ARHGEF28: variants seen among roughly 807,000 people sequenced by gnomAD.
ARHGEF28 encodes the protein Rho guanine nucleotide exchange factor 28.
ARHGEF28 carries 152 observed loss-of-function variants against 206.6 expected under a neutral mutation model. The observed-to-expected ratio is 0.74, with a 90% CI of 0.64 to 0.84. ARHGEF28 has a LOEUF of 0.84. ARHGEF28 is among the 40% of genes least tolerant of loss of function. The pLI is 0.00. For synonymous variants in ARHGEF28, 763 were observed against 776.4 expected (o/e 0.98, Z 0.29); for missense variants, 2,028 against 2,073.2 (o/e 0.98, Z 0.42).
At chr5:73,809,399 A>G (rs1755706890) in intron 9 of ARHGEF28, among the ~76,000 whole-genome samples, 2 of 152,160 alleles carry the variant, frequency 1.3e-5, no homozygotes, top group Non-Finnish European at 2.9e-5. Context: ...TCGCTATGAG[A>G]CAACTAAGGC....
chr5:73,883,741 G>A (rs1358205349), intron 23 of ARHGEF28, 26 bp from the exon 24 acceptor site: 1 of 1,431,806 alleles, frequency 7.0e-7, no homozygotes, highest in Non-Finnish European at 9.5e-7. Flanking sequence ...TAGAATTTGT[G>A]TACATAAAAG....
intron 1 of ARHGEF28, among the ~76,000 whole-genome samples, chr5:73,634,269 G>C (rs985628205): frequency 2.0e-5 from 3 of 152,156 alleles, no homozygotes; most frequent in Admixed American, 2.0e-4. Flanking sequence ...AAGTAGGCTT[G>C]TTCAACTAAT....
chr5:73,743,411 C>T (rs192603804), intron 2 of ARHGEF28, among the ~76,000 whole-genome samples: 1 of 152,220 alleles, frequency 6.6e-6, no homozygotes, highest in Non-Finnish European at 1.5e-5. Flanking sequence ...TTGTTTTCAG[C>T]CGGACTGTTG....
intron 2 of ARHGEF28, among the ~76,000 whole-genome samples, chr5:73,742,029 T>A (rs555721353): frequency 5.9e-5 from 9 of 152,328 alleles, no homozygotes; most frequent in Non-Finnish European, 1.2e-4. Flanking sequence ...ATTATGATAT[T>A]ATCTTCTTCA....
chr5:73,933,811 T>TTTTC (rs1764266360), intron 35 of ARHGEF28, among the ~76,000 whole-genome samples: 1 of 152,128 alleles, frequency 6.6e-6, no homozygotes, highest in Non-Finnish European at 1.5e-5. Flanking sequence ...GGACTCTTTT[T>TTTTC]TTTCTGTAAC....
intron 1 of ARHGEF28, among the ~76,000 whole-genome samples, chr5:73,669,781 G>C (rs1746192852): frequency 6.6e-6 from 1 of 152,126 alleles, no homozygotes; most frequent in Non-Finnish European, 1.5e-5. Context: ...CTGCCTCCCA[G>C]ATTCAAGCAA....
intron 4 of ARHGEF28, among the ~76,000 whole-genome samples, chr5:73,761,770 G>A (rs1166867748): frequency 6.6e-6 from 1 of 152,120 alleles, no homozygotes; most frequent in Non-Finnish European, 1.5e-5. Flanking sequence ...TCAATATCTG[G>A]AGGAGAGGAG....
chr5:73,873,131 T>G lies in ARHGEF28; in HGVS notation c.2699T>G (p.Leu900Trp). ...VDKIFPCLDE[L>W]LEIHRHFFYS... ...AAAATTTTCCCCTGTTTAGATGAGT[T>G]GCTTGAAATCCACAGGCATTTCTTC... The change falls in exon 22 of 36, where the codon TTG (leucine) becomes TGG (tryptophan). Residue 900 changes from leucine (L) to tryptophan (W), a missense_variant. Leu to Trp is a moderately conservative substitution (Grantham distance 61). Around this residue, in one of 3 missense-constraint regions of ARHGEF28, gnomAD observed 223 missense variants for 289.9 expected, o/e 0.77. Transcript: ENST00000513042. The G allele has an allele frequency of 6.2e-7, 1 of 1,613,082 alleles. No homozygotes were observed. Among genetic ancestry groups the G allele is most frequent in the Non-Finnish European group, 8.5e-7 (1 of 1,179,520 alleles).
chr5:73,801,213 G>A (rs542487735), intron 9 of ARHGEF28, among the ~76,000 whole-genome samples: 8 of 152,278 alleles, frequency 5.3e-5, no homozygotes, highest in Non-Finnish European at 8.8e-5. Context: ...TTGGGAGGCC[G>A]AGGCAGGCGG....
intron 7 of ARHGEF28, chr5:73,786,575 G>T (rs748194457): frequency 6.6e-6 from 1 of 152,160 alleles, no homozygotes; most frequent in Non-Finnish European, 1.5e-5. Flanking sequence ...GACATGTCTC[G>T]ATGACACATG....
At chr5:73,721,351 A>G (rs554633067) in intron 2 of ARHGEF28, among the ~76,000 whole-genome samples, 2 of 152,294 alleles carry the variant, frequency 1.3e-5, no homozygotes, top group Non-Finnish European at 2.9e-5. Context: ...GTCACTGCCT[A>G]CATGAACCCT....
At chr5:73,657,630 G>A (rs145341564) in intron 1 of ARHGEF28, among the ~76,000 whole-genome samples, 6 of 152,268 alleles carry the variant, frequency 3.9e-5, no homozygotes, top group Non-Finnish European at 8.8e-5. Flanking sequence ...TCCTGTAATT[G>A]TGAGTTAACC....
In ARHGEF28 at chr5:73,923,914, C is replaced by T. The variant is rs576707171; in HGVS notation, c.4948+12339C>T. On this transcript the variant is annotated intron_variant, in intron 35 of 35. Coordinates refer to ENST00000513042, the MANE Select transcript of ARHGEF28 (RefSeq NM_001177693.2). ...CTTCTTCTGGTCAAAAATGATGTTG[C>T]TTAGCAATAGACTCTAAAATGCTTT... Among the ~76,000 whole-genome samples the T allele has an allele frequency of 8.5e-5, 13 of 152,180 alleles. No individual in the cohort carries two copies. The East Asian group carries it at 2.3e-3, about 27-fold the overall frequency.
At chr5:73,794,005 G>A (rs555129581) in intron 7 of ARHGEF28, among the ~76,000 whole-genome samples, 1 of 152,252 alleles carries the variant, frequency 6.6e-6, no homozygotes, top group South Asian at 2.1e-4. Flanking sequence ...ATTGAAATCT[G>A]TGGTATTTGA....
chr5:73,893,158 T>G (rs1761749367), intron 27 of ARHGEF28, 39 bp from the exon 28 acceptor site: 1 of 1,468,186 alleles, frequency 6.8e-7, no homozygotes. Flanking sequence ...ATACTTGCAT[T>G]TGGTTTCAGT....
intron 2 of ARHGEF28, among the ~76,000 whole-genome samples, chr5:73,697,033 G>A (rs1177382866): frequency 6.6e-6 from 1 of 152,194 alleles, no homozygotes; most frequent in Non-Finnish European, 1.5e-5. Context: ...TGGGGAACAT[G>A]TCTCAGAGTT....
chr5:73,817,825 T>C (rs16870904), intron 9 of ARHGEF28, among the ~76,000 whole-genome samples: 38,636 of 151,916 alleles, frequency 0.25, 5,296 homozygotes, highest in African/African-American at 0.36. Context: ...GATGGTAAAC[T>C]TCAATGGGTA....
chr5:73,916,027 A>T (rs282405), intron 35 of ARHGEF28, among the ~76,000 whole-genome samples: 16,015 of 152,272 alleles, frequency 0.11, 1,066 homozygotes, highest in South Asian at 0.22. Context: ...TATTTTCAAA[A>T]TTCAAAGCAT....
At chr5:73,809,667 A>G (rs1755725302) in intron 9 of ARHGEF28, among the ~76,000 whole-genome samples, 1 of 152,236 alleles carries the variant, frequency 6.6e-6, no homozygotes, top group Non-Finnish European at 1.5e-5. Flanking sequence ...TGTCTAAATG[A>G]AGATCAAGGA....
Sources: gnomAD v4.1 joint callset for allele counts (sites outside exome capture counted in the v4.1 genomes callset) on GRCh38, gnomAD v4.1.1 for gene constraint, gnomAD v4.1.1 regional missense constraint, MANE v1.5 for transcripts, NCBI Gene and HGNC (gene_info 2026-07-23, HGNC 2026-07-21) for gene names.